UBQLN4: variants seen among roughly 807,000 people sequenced by gnomAD.
The protein encoded by UBQLN4 is ubiquilin 4.
Under a neutral mutation model 60.4 loss-of-function variants are expected in UBQLN4, and 11 were observed. The observed-to-expected ratio is 0.18, with a 90% CI of 0.11 to 0.30. The LOEUF (loss-of-function observed/expected upper bound fraction) is 0.30, where lower values mean the gene tolerates loss of function less well. Among genes scored for constraint, UBQLN4 ranks in the 10% least tolerant of loss-of-function variants. UBQLN4 has a pLI of 1.00. For synonymous variants in UBQLN4, 258 were observed against 313.1 expected (o/e 0.82, Z 1.86); for missense variants, 417 against 795.5 (o/e 0.52, Z 5.72).
Position 156,035,317 on chromosome 1 carries a change from G to A in UBQLN4, c.*1661C>T, listed in dbSNP as rs1451174589. ...AACACACTCTCACAACAAAGACCAC[G>A]CCATTTATTTACAAAGGCCAGTGTG... On this transcript the variant is annotated 3_prime_UTR_variant, in exon 11 of 11. Coordinates refer to ENST00000368309, the MANE Select transcript of UBQLN4 (RefSeq NM_020131.5). 12 of 985,244 alleles carry A rather than the reference G, an allele frequency of 1.2e-5. No individual in the cohort carries two copies. Among genetic ancestry groups the A allele is most frequent in the Non-Finnish European group, 1.3e-5 (11 of 829,920 alleles). The allele number at this position is 985,244 out of a possible 1,614,324, so 61.0% of individuals were successfully genotyped here.
At position 156,046,422 on chromosome 1, in the gene UBQLN4, C is replaced by T. The variant is rs1394091949; in HGVS notation, c.900+2079G>A. Among the ~76,000 whole-genome samples, 42 of 151,622 alleles carry T rather than the reference C, an allele frequency of 2.8e-4. 1 individual carries two copies. The highest frequency in any genetic ancestry group is 1.1e-3 in the Admixed American group (16 of 15,224). On this transcript the variant is annotated intron_variant, in intron 5 of 10. Transcript: ENST00000368309. ...CTGAGGCAGGAGAATCACTTGAACC[C>T]GGGAGGCGGAGGTTGCAGTGAGCTG...
At chr1:156,042,075 C>T (rs1683582712) in intron 8 of UBQLN4, 78 bp downstream of exon 8, 1 of 1,610,268 alleles carries the variant, frequency 6.2e-7, no homozygotes, top group Non-Finnish European at 8.5e-7. Context: ...AAGCTCTGCC[C>T]CAACTTCATT....
At chr1:156,039,457 T>C (rs1159503988) in intron 10 of UBQLN4, among the ~76,000 whole-genome samples, 2 of 149,286 alleles carry the variant, frequency 1.3e-5, no homozygotes, top group Non-Finnish European at 3.0e-5. Flanking sequence ...TCCACGTTGG[T>C]CAGGCTGGTC....
downstream of UBQLN4, among the ~76,000 whole-genome samples, chr1:156,034,838 TATA>T (rs1374988399): frequency 3.5e-3 from 146 of 41,584 alleles, 5 homozygotes; most frequent in African/African-American, 0.011. Flanking sequence ...TATATATATA[TATA>T]TATATATATA....
chr1:156,035,700 AG>A lies in UBQLN4; in HGVS notation c.*1277del. 1 of 984,822 alleles carries A rather than the reference AG, an allele frequency of 1.0e-6. No homozygotes were observed. The highest frequency in any genetic ancestry group is 1.1e-4 in the East Asian group (1 of 8,844). 61.0% of individuals were successfully genotyped at this position (984,822 alleles called of 1,614,324 possible). ...GGCAGTGAGGGGTGATAAGGGTGCT[AG>A]TCACAGCCCTGACAGCTTCAGAAAG... On this transcript the variant is annotated 3_prime_UTR_variant, in exon 11 of 11. Coordinates refer to ENST00000368309, the MANE Select transcript of UBQLN4 (RefSeq NM_020131.5).
At chr1:156,033,171 A>G (rs1683323813), downstream of UBQLN4, 6 of 977,982 alleles carry the variant, frequency 6.1e-6, no homozygotes, top group South Asian at 2.8e-4. Flanking sequence ...GGAGGAAAAC[A>G]AGGCATCCGA....
Position 156,050,631 on chromosome 1 carries a change from C to G in UBQLN4, c.479-78G>C. On this transcript the variant is annotated intron_variant, in intron 3 of 10. Transcript: ENST00000368309. This position sits in a 1 kb window ranked among gnomAD's most constrained non-coding sequence, Gnocchi z 4.6. Reference sequence around the variant, plus strand: ...AGCCAGAGCCACTGAATTCAGATCTCCAGGACACGCCCCAAATGCTTCTCA... The same window carrying G: ...AGCCAGAGCCACTGAATTCAGATCTGCAGGACACGCCCCAAATGCTTCTCA... The G allele has an allele frequency of 6.7e-7, 1 of 1,490,752 alleles. No individual in the cohort carries two copies. The highest frequency in any genetic ancestry group is 8.9e-7 in the Non-Finnish European group (1 of 1,117,552). 92.3% of individuals were successfully genotyped at this position (1,490,752 alleles called of 1,614,324 possible).
In UBQLN4 at chr1:156,042,202, G is replaced by C; in HGVS notation, c.1301C>G (p.Pro434Arg). The C allele has an allele frequency of 2.5e-6, 4 of 1,607,010 alleles. No homozygotes were observed. Among genetic ancestry groups the C allele is most frequent in the Non-Finnish European group, 3.4e-6 (4 of 1,177,166 alleles). ...MVNVPLFAGN[P>R]QLQEQLRLQL... ...CAGGCGGAGCTGCTCCTGCAGTTGGGGGTTCCCCGCGAAGAGCGGCACATT... is the reference window on the plus strand; with the variant it reads ...CAGGCGGAGCTGCTCCTGCAGTTGGCGGTTCCCCGCGAAGAGCGGCACATT... Residue 434 changes from proline (P) to arginine (R), a missense_variant, in exon 8 of 11, where the codon CCC becomes CGC. Pro to Arg is a moderately radical substitution (Grantham distance 103). Transcript: ENST00000368309.
At position 156,039,569 on chromosome 1, in the gene UBQLN4, C is replaced by T. The variant is rs185218637; in HGVS notation, c.1653+1916G>A. On this transcript the variant is annotated intron_variant, in intron 10 of 10. Coordinates refer to ENST00000368309, the MANE Select transcript of UBQLN4 (RefSeq NM_020131.5). ...GGCTAGCTTGGCTTTTCATTCTTGTCATTCCTCTAATTATCTCCTGTAAAT... is the reference window on the plus strand; with the variant it reads ...GGCTAGCTTGGCTTTTCATTCTTGTTATTCCTCTAATTATCTCCTGTAAAT... Among the ~76,000 whole-genome samples, 574 of 152,034 alleles carry T rather than the reference C, an allele frequency of 3.8e-3. 1 individual carries two copies. Among genetic ancestry groups the T allele is most frequent in the Middle Eastern group, 0.014 (4 of 294 alleles).
At chr1:156,053,565 C>G in intron 1 of UBQLN4, 29 bp downstream of exon 1, 36 of 1,103,578 alleles carry the variant, frequency 3.3e-5, no homozygotes, top group Non-Finnish European at 3.9e-5. Context: ...CTCCTCCGCG[C>G]TCCCCCCGCC....
At chr1:156,049,763 T>C (rs1683815865) in intron 4 of UBQLN4, among the ~76,000 whole-genome samples, 1 of 152,238 alleles carries the variant, frequency 6.6e-6, no homozygotes, top group African/African-American at 2.4e-5. Context: ...CTTGGTCCTC[T>C]GGTGGAGCGG....
intron 5 of UBQLN4, among the ~76,000 whole-genome samples, chr1:156,047,816 C>T (rs1163333474): frequency 2.7e-5 from 4 of 146,530 alleles, no homozygotes; most frequent in Admixed American, 6.9e-5. Flanking sequence ...TGCTTGAACC[C>T]GGGAGGCGGA....
At chr1:156,044,444 C>A (rs1683648080) in intron 5 of UBQLN4, among the ~76,000 whole-genome samples, 1 of 152,082 alleles carries the variant, frequency 6.6e-6, no homozygotes, top group Non-Finnish European at 1.5e-5. Context: ...GATAACTGAA[C>A]CTCTCAGATA....
Position 156,041,712 on chromosome 1 carries a change from A to G in UBQLN4, c.1467-41T>C, listed in dbSNP as rs867224152. On this transcript the variant is annotated intron_variant, in intron 9 of 10. Coordinates refer to ENST00000368309, the MANE Select transcript of UBQLN4 (RefSeq NM_020131.5). ...ACCAAGAGGTAGGAGATGGCATCCA[A>G]GAAAGGGATGAGAATGTGAGATCCA... 2.0e-5 allele frequency: 29 copies of G among 1,475,700 alleles called. No homozygotes were observed. The Middle Eastern group carries it at 2.7e-3, about 136-fold the overall frequency. 91.4% of individuals were successfully genotyped at this position (1,475,700 alleles called of 1,614,324 possible).
downstream of UBQLN4, among the ~76,000 whole-genome samples, chr1:156,034,400 C>T (rs534717090): frequency 7.3e-5 from 11 of 149,988 alleles, no homozygotes; most frequent in Admixed American, 2.7e-4. Flanking sequence ...CTGGTACCAG[C>T]GATTCTCCTG....
At chr1:156,052,564 TC>T (rs1683900708) in intron 1 of UBQLN4, among the ~76,000 whole-genome samples, 1 of 152,142 alleles carries the variant, frequency 6.6e-6, no homozygotes, top group Non-Finnish European at 1.5e-5. Flanking sequence ...CCTCAGGTGA[TC>T]CACCAGACTC....
At position 156,051,974 on chromosome 1, in the gene UBQLN4, T is replaced by A. The variant is rs1683883519; in HGVS notation, c.109-117A>T. ...TGCTCTCATCTCTAGTCATGGGAAGTCCTTTCTGTAGTCTCGACGCCATTC... is the reference window on the plus strand; with the variant it reads ...TGCTCTCATCTCTAGTCATGGGAAGACCTTTCTGTAGTCTCGACGCCATTC... On this transcript the variant is annotated intron_variant, in intron 1 of 10. Coordinates refer to ENST00000368309, the MANE Select transcript of UBQLN4 (RefSeq NM_020131.5). 2.6e-5 allele frequency: 34 copies of A among 1,331,304 alleles called. No individual in the cohort carries two copies. The South Asian group carries it at 4.4e-4, about 17-fold the overall frequency. 82.5% of individuals were successfully genotyped at this position (1,331,304 alleles called of 1,614,324 possible).
rs745975349 is a variant in UBQLN4 at position 156,053,580 on chromosome 1, G to T, written c.108+14C>A. On this transcript the variant is annotated intron_variant, in intron 1 of 10. Coordinates refer to ENST00000368309, the MANE Select transcript of UBQLN4 (RefSeq NM_020131.5). ...CTCCTCCGCGCTCCCCCCGCCCCCC[G>T]CCTGCTGTACTACCTCCTTGACCGA... 1.1e-5 allele frequency: 7 copies of T among 618,680 alleles called. No individual in the cohort carries two copies. The East Asian group carries it at 1.4e-4, about 13-fold the overall frequency. 38.3% of individuals were successfully genotyped at this position (618,680 alleles called of 1,614,324 possible).
intron 10 of UBQLN4, among the ~76,000 whole-genome samples, chr1:156,039,870 G>A (rs1683503839): frequency 1.4e-5 from 2 of 146,002 alleles, no homozygotes; most frequent in African/African-American, 5.1e-5. Context: ...CCAGGAGGCG[G>A]AGCTTGCAGT....
Sources: gnomAD v4.1 joint callset for allele counts (sites outside exome capture counted in the v4.1 genomes callset) on GRCh38, gnomAD v4.1.1 for gene constraint, Gnocchi (gnomAD v3.1) non-coding constraint, MANE v1.5 for transcripts, NCBI Gene and HGNC (gene_info 2026-07-23, HGNC 2026-07-21) for gene names.